Variants in FLYWCH1 observed in about 807,000 individuals in gnomAD.
FLYWCH1 encodes the protein FLYWCH-type zinc finger 1.
FLYWCH1 carries 75 observed loss-of-function variants against 66.4 expected under a neutral mutation model. The observed-to-expected ratio is 1.13, with a 90% confidence interval of 0.94 to 1.37. FLYWCH1 has a LOEUF of 1.37. Among genes scored for constraint, FLYWCH1 ranks in the 40% most tolerant of loss-of-function variants. The probability of loss-of-function intolerance (pLI) is 0.00; values close to 1 mark genes in which losing one functional copy is unlikely to be tolerated. For missense variants in FLYWCH1, 1,334 were observed against 1,001.8 expected (o/e 1.33, Z -4.48); for synonymous variants, 595 against 429.9 (o/e 1.38, Z -4.75).
At position 2,939,631 on chromosome 16, in the gene FLYWCH1, C is replaced by G. The variant is rs34960017; in HGVS notation, c.2051-401C>G. On this transcript the variant is annotated intron_variant, in intron 8 of 9. Transcript: ENST00000253928. ...AGAAAAGGGGAGGATCACTCTAGCCCGGGAGGTTGAGGCTGCAGTGAGCCA... is the reference window on the plus strand; with the variant it reads ...AGAAAAGGGGAGGATCACTCTAGCCGGGGAGGTTGAGGCTGCAGTGAGCCA... The G allele has an allele frequency of 6.1e-5, 11 of 179,964 alleles. No homozygotes were observed. The East Asian group carries it at 1.7e-3, about 27-fold the overall frequency. 11.1% of individuals were successfully genotyped at this position (179,964 alleles called of 1,614,324 possible).
chr16:2,917,375 G>A (rs1189611388), intron 2 of FLYWCH1, among the ~76,000 whole-genome samples: 1 of 150,904 alleles, frequency 6.6e-6, no homozygotes, highest in African/African-American at 2.4e-5. Flanking sequence ...GATTACAGGC[G>A]CCCACCACGA....
At chr16:2,920,457 T>A (rs2070329612) in intron 2 of FLYWCH1, among the ~76,000 whole-genome samples, 1 of 151,042 alleles carries the variant, frequency 6.6e-6, no homozygotes, top group African/African-American at 2.4e-5. Context: ...GAGGTTGCAG[T>A]GAGCTAAGAT....
intron 2 of FLYWCH1, among the ~76,000 whole-genome samples, chr16:2,918,090 C>T (rs534769672): frequency 2.4e-4 from 36 of 151,348 alleles, no homozygotes; most frequent in Admixed American, 4.6e-4. Context: ...CCACCCACCT[C>T]GGCCTCCCAA....
intron 2 of FLYWCH1, among the ~76,000 whole-genome samples, chr16:2,915,651 T>TA (rs947834788): frequency 1.3e-5 from 2 of 152,122 alleles, no homozygotes; most frequent in African/African-American, 4.8e-5. Context: ...TTCACGCCTG[T>TA]AATCCCAGCA....
chr16:2,937,337 T>C lies in FLYWCH1; in HGVS notation c.1730T>C (p.Leu577Pro), dbSNP rs763743041. 2.5e-6 allele frequency: 4 copies of C among 1,596,972 alleles called. No homozygotes were observed. Among genetic ancestry groups the C allele is most frequent in the Admixed American group, 1.7e-5 (1 of 58,668 alleles). The change falls in exon 7 of 10, where the codon CTG (leucine) becomes CCG (proline). Residue 577 changes from leucine to proline, a missense_variant. Leu to Pro is a moderately conservative substitution (Grantham distance 98). Transcript: ENST00000253928. ...HPPDLGGLEA[L>P]RQREHFPNLA... ...CCGGACCTGGGCGGCCTGGAGGCCCTGCGGCAGCGGGAGCACTTCCCCAAC... is the reference window on the plus strand; with the variant it reads ...CCGGACCTGGGCGGCCTGGAGGCCCCGCGGCAGCGGGAGCACTTCCCCAAC...
At position 2,948,784 on chromosome 16, in the gene FLYWCH1, C is replaced by A. The variant is rs921962859; in HGVS notation, c.*57C>A. 1.3e-6 allele frequency: 2 copies of A among 1,494,756 alleles called. No individual in the cohort carries two copies. The highest frequency in any genetic ancestry group is 2.3e-5 in the East Asian group (1 of 44,388). 92.6% of individuals were successfully genotyped at this position (1,494,756 alleles called of 1,614,324 possible). On this transcript the variant is annotated 3_prime_UTR_variant, in exon 10 of 10. Transcript: ENST00000253928. Reference sequence around the variant, plus strand: ...CACCCAAGGTGGCTTCACATCCACACAGGCACTTCCCATCCACCTAGGTTT... The same window carrying A: ...CACCCAAGGTGGCTTCACATCCACAAAGGCACTTCCCATCCACCTAGGTTT...
chr16:2,929,357 C>T (rs979607499), intron 2 of FLYWCH1, among the ~76,000 whole-genome samples: 5 of 152,168 alleles, frequency 3.3e-5, no homozygotes, highest in East Asian at 3.9e-4. Flanking sequence ...CCATTAGTCA[C>T]TCTGATGGCC....
chr16:2,917,893 G>A (rs927077525), intron 2 of FLYWCH1, among the ~76,000 whole-genome samples: 1 of 147,422 alleles, frequency 6.8e-6, no homozygotes, highest in Non-Finnish European at 1.5e-5. Flanking sequence ...GGAGTACAGT[G>A]GCACGATCTT....
At chr16:2,936,310 T>G (rs2070997702) in intron 6 of FLYWCH1, 1 of 438,378 alleles carries the variant, frequency 2.3e-6, no homozygotes, top group African/African-American at 2.0e-5. Flanking sequence ...CGTCCTGACC[T>G]CTTCTGTCTC....
intron 3 of FLYWCH1, 112 bp downstream of exon 3, chr16:2,930,122 C>G: frequency 1.0e-6 from 1 of 987,734 alleles, no homozygotes; most frequent in East Asian, 2.6e-5. Flanking sequence ...CCAAGCTCAG[C>G]CTCTTGGTCT....
intron 2 of FLYWCH1, among the ~76,000 whole-genome samples, chr16:2,920,689 A>G (rs1304952627): frequency 1.3e-5 from 2 of 150,910 alleles, no homozygotes; most frequent in African/African-American, 2.4e-5. Flanking sequence ...TTGCAGGCAT[A>G]TGCCACCATG....
chr16:2,912,288 C>T (rs975153945), intron 1 of FLYWCH1, 134 bp downstream of exon 1: 6 of 152,470 alleles, frequency 3.9e-5, no homozygotes, highest in African/African-American at 1.2e-4. Context: ...CAGGCCGCCT[C>T]CTGTGGGGTC....
intron 9 of FLYWCH1, among the ~76,000 whole-genome samples, chr16:2,942,110 C>T (rs1349824375): frequency 1.3e-5 from 2 of 151,324 alleles, no homozygotes; most frequent in Admixed American, 1.3e-4. Context: ...ATATTTAGCT[C>T]TATCTACAGA....
chr16:2,948,589 TC>T, intron 9 of FLYWCH1, 98 bp from the exon 10 acceptor site: 1 of 1,243,672 alleles, frequency 8.0e-7, no homozygotes. Flanking sequence ...GACTGTGGCA[TC>T]CCCAGGAAAA....
intron 6 of FLYWCH1, chr16:2,936,204 C>T (rs2070991993): frequency 5.7e-6 from 2 of 349,334 alleles, no homozygotes; most frequent in Admixed American, 3.8e-5. Flanking sequence ...AGCCACCGTG[C>T]GCAGCCCCTT....
chr16:2,944,315 G>A (rs946548128), intron 9 of FLYWCH1, among the ~76,000 whole-genome samples: 5 of 151,048 alleles, frequency 3.3e-5, no homozygotes, highest in African/African-American at 9.8e-5. Flanking sequence ...GCTTGAAACT[G>A]GGAGGTGGAG....
chr16:2,925,583 G>GA (rs1293166891), intron 2 of FLYWCH1, among the ~76,000 whole-genome samples: 2 of 142,106 alleles, frequency 1.4e-5, no homozygotes, highest in African/African-American at 2.5e-5. Context: ...GCGGGGGGAG[G>GA]GGGGTACGGG....
In FLYWCH1 at chr16:2,933,651, A is replaced by G. The variant is rs1485756532; in HGVS notation, c.1250-65A>G. 3 of 1,564,972 alleles carry G rather than the reference A, an allele frequency of 1.9e-6. No individual in the cohort carries two copies. In the African/African-American group the frequency reaches 4.1e-5, roughly 21 times the overall value. On this transcript the variant is annotated intron_variant, in intron 5 of 9. Transcript: ENST00000253928. ...TTGCCTCCAGAGGTCCAGGGAGGGA[A>G]GGGGGTGCGATCAGGCCTACCCAGC...
intron 2 of FLYWCH1, among the ~76,000 whole-genome samples, chr16:2,926,636 A>C (rs7192325): frequency 0.041 from 6,213 of 152,310 alleles, 421 homozygotes; most frequent in African/African-American, 0.14. Flanking sequence ...CCCTACCCTG[A>C]CTTTGTGGCA....
Sources: gnomAD v4.1 joint callset for allele counts (sites outside exome capture counted in the v4.1 genomes callset) on GRCh38, gnomAD v4.1.1 for gene constraint, MANE v1.5 for transcripts, NCBI Gene and HGNC (gene_info 2026-07-23, HGNC 2026-07-21) for gene names.